Variants in KCNH5 observed in about 807,000 individuals in gnomAD.
KCNH5 encodes the protein voltage-gated delayed rectifier potassium channel KCNH5.
A neutral mutation model predicts 96.1 loss-of-function variants in KCNH5; 46 were observed. The ratio of observed to expected loss-of-function variants is 0.48; its 90% confidence interval spans 0.38 to 0.61. The LOEUF (loss-of-function observed/expected upper bound fraction) is 0.61, where lower values mean the gene tolerates loss of function less well. Among genes scored for constraint, KCNH5 ranks in the 20% least tolerant of loss-of-function variants. The pLI, the probability that KCNH5 is intolerant of heterozygous loss-of-function variation, is 0.00. For missense variants in KCNH5, 907 were observed against 1,225.8 expected (o/e 0.74, Z 3.88); for synonymous variants, 439 against 449.8 (o/e 0.98, Z 0.30).
chr14:62,860,648 C>G (rs1036218317), intron 7 of KCNH5, among the ~76,000 whole-genome samples: 1 of 152,162 alleles, frequency 6.6e-6, no homozygotes, highest in Non-Finnish European at 1.5e-5. Context: ...CCCCAGCTAC[C>G]TCTTAGTGCC....
intron 10 of KCNH5, among the ~76,000 whole-genome samples, chr14:62,759,573 A>ATATATATATATATATATTTT (rs1171935428): frequency 3.3e-5 from 5 of 151,082 alleles, no homozygotes; most frequent in Non-Finnish European, 7.4e-5. Flanking sequence ...CGTAGGGTAT[A>ATATATATATATATATATTTT]TTTTTTAATA....
At chr14:62,891,801 G>T (rs1306222689) in intron 7 of KCNH5, among the ~76,000 whole-genome samples, 2 of 152,076 alleles carry the variant, frequency 1.3e-5, no homozygotes, top group African/African-American at 4.8e-5. Flanking sequence ...ATATTTTTAT[G>T]GTGATCTATG....
chr14:62,927,086 A>T (rs1347887806), intron 7 of KCNH5, among the ~76,000 whole-genome samples: 5 of 152,190 alleles, frequency 3.3e-5, no homozygotes, highest in Admixed American at 1.3e-4. Flanking sequence ...AGGGCAAAGA[A>T]CTTGAATAGA....
At chr14:62,994,212 G>GA (rs1394143333) in intron 4 of KCNH5, among the ~76,000 whole-genome samples, 7 of 152,142 alleles carry the variant, frequency 4.6e-5, no homozygotes, top group African/African-American at 1.7e-4. Flanking sequence ...CCTCTCTAAA[G>GA]AAAACCATTG....
At chr14:62,780,329 T>G (rs991393299) in intron 9 of KCNH5, among the ~76,000 whole-genome samples, 1 of 152,342 alleles carries the variant, frequency 6.6e-6, no homozygotes, top group Non-Finnish European at 1.5e-5. Context: ...TGTAACAGCC[T>G]TTATAAATCT....
chr14:62,923,531 A>T (rs1261872383), intron 7 of KCNH5, among the ~76,000 whole-genome samples: 1 of 152,024 alleles, frequency 6.6e-6, no homozygotes, highest in Non-Finnish European at 1.5e-5. Flanking sequence ...TGCAAAAAAT[A>T]CAAAGCTAGA....
chr14:62,975,370 C>G (rs979216632), intron 6 of KCNH5, among the ~76,000 whole-genome samples: 6 of 151,922 alleles, frequency 3.9e-5, no homozygotes, highest in African/African-American at 1.5e-4. Flanking sequence ...AAGAGCCAAT[C>G]TATAGGAACT....
chr14:62,868,901 G>A (rs192265315), intron 7 of KCNH5, among the ~76,000 whole-genome samples: 1 of 152,322 alleles, frequency 6.6e-6, no homozygotes, highest in African/African-American at 2.4e-5. Context: ...ATTCCATGAT[G>A]TATATGTGCC....
chr14:62,828,062 T>G (rs1321179427), intron 8 of KCNH5, among the ~76,000 whole-genome samples: 4 of 152,160 alleles, frequency 2.6e-5, no homozygotes, highest in Non-Finnish European at 5.9e-5. Flanking sequence ...GAAGTCAGTC[T>G]TCATTTATAA....
intron 8 of KCNH5, among the ~76,000 whole-genome samples, chr14:62,834,964 T>G (rs1018683261): frequency 2.6e-5 from 4 of 151,928 alleles, no homozygotes; most frequent in African/African-American, 9.7e-5. Flanking sequence ...GAGAAAAAAT[T>G]TTCTGATCCC....
intron 1 of KCNH5, among the ~76,000 whole-genome samples, chr14:63,020,441 C>G (rs898977746): frequency 6.6e-6 from 1 of 151,960 alleles, no homozygotes; most frequent in Non-Finnish European, 1.5e-5. Flanking sequence ...AGAAATTGTG[C>G]CATATTTACA....
intron 7 of KCNH5, among the ~76,000 whole-genome samples, chr14:62,915,960 C>CTTTTTTTTCT (rs1889265770): frequency 7.3e-6 from 1 of 136,162 alleles, no homozygotes; most frequent in Non-Finnish European, 1.6e-5. Context: ...TCTTTTTTTT[C>CTTTTTTTTCT]TTTTTTTTTT....
intron 7 of KCNH5, among the ~76,000 whole-genome samples, chr14:62,912,657 C>T (rs1301763538): frequency 2.0e-5 from 3 of 152,148 alleles, no homozygotes; most frequent in African/African-American, 4.8e-5. Flanking sequence ...CCGCCAGCCT[C>T]GGCCTCCCAA....
chr14:62,789,215 A>G (rs1025954435), intron 9 of KCNH5, among the ~76,000 whole-genome samples: 1 of 152,126 alleles, frequency 6.6e-6, no homozygotes, highest in African/African-American at 2.4e-5. Context: ...TTCACTTAGC[A>G]TAATGTCTTT....
Position 62,706,657 on chromosome 14 carries a change from C to T in KCNH5, c.*851G>A, listed in dbSNP as rs1451912268. 2 of 152,002 alleles carry T rather than the reference C, an allele frequency of 1.3e-5. No individual in the cohort carries two copies. The highest frequency in any genetic ancestry group is 2.4e-5 in the African/African-American group (1 of 41,406). 9.4% of individuals were successfully genotyped at this position (152,002 alleles called of 1,614,324 possible). On this transcript the variant is annotated 3_prime_UTR_variant, in exon 11 of 11. Coordinates refer to ENST00000322893, the MANE Select transcript of KCNH5 (RefSeq NM_139318.5). Reference sequence around the variant, plus strand: ...AATACAAATTTAGAGCATTTATCAGCTTTGGAAATTCAGCATCTCTTACAT... The same window carrying T: ...AATACAAATTTAGAGCATTTATCAGTTTTGGAAATTCAGCATCTCTTACAT...
At chr14:62,766,531 A>C (rs73271188) in intron 10 of KCNH5, among the ~76,000 whole-genome samples, 3,861 of 152,250 alleles carry the variant, frequency 0.025, 122 homozygotes, top group East Asian at 0.097. Flanking sequence ...TTGCAAAACC[A>C]TGGTTGGAAT....
chr14:62,848,495 C>T (rs1887741502), intron 8 of KCNH5, among the ~76,000 whole-genome samples: 1 of 152,054 alleles, frequency 6.6e-6, no homozygotes, highest in Admixed American at 6.6e-5. Context: ...TTCACAATTC[C>T]TCCACATAGC....
chr14:62,752,373 C>T (rs761930091), intron 10 of KCNH5, among the ~76,000 whole-genome samples: 11 of 151,962 alleles, frequency 7.2e-5, no homozygotes, highest in Non-Finnish European at 1.2e-4. Context: ...CCAGCTTGAA[C>T]GCAGTGGGGA....
chr14:62,827,099 A>C (rs1466332592), intron 8 of KCNH5, among the ~76,000 whole-genome samples: 1 of 152,206 alleles, frequency 6.6e-6, no homozygotes, highest in Admixed American at 6.6e-5. Flanking sequence ...AGATTCAAAA[A>C]ACTTAATGCA....
Sources: allele counts gnomAD v4.1 joint callset (sites outside exome capture counted in the v4.1 genomes callset), GRCh38; gene constraint gnomAD v4.1.1; transcripts MANE v1.5; gene names NCBI Gene and HGNC (gene_info 2026-07-23, HGNC 2026-07-21).